TRPM6: variants seen among roughly 807,000 people sequenced by gnomAD.
The protein encoded by TRPM6 is transient receptor potential cation channel subfamily M member 6, also known as channel kinase 2.
In TRPM6, 111 loss-of-function variants were observed where a neutral mutation model predicts 247.6. That is an observed-to-expected ratio of 0.45 (90% CI 0.38 to 0.52). The LOEUF (loss-of-function observed/expected upper bound fraction) is 0.52, where lower values mean the gene tolerates loss of function less well. Ranked by LOEUF, TRPM6 falls within the 20% of genes least tolerant of loss-of-function variation. The probability of loss-of-function intolerance (pLI) is 0.00; values close to 1 mark genes in which losing one functional copy is unlikely to be tolerated. For missense variants in TRPM6, 2,126 were observed against 2,421.5 expected (o/e 0.88, Z 2.56); for synonymous variants, 892 against 853.8 (o/e 1.04, Z -0.78).
chr9:74,881,232 G>A (rs980643032), intron 1 of TRPM6, among the ~76,000 whole-genome samples: 16 of 151,612 alleles, frequency 1.1e-4, no homozygotes, highest in African/African-American at 3.2e-4. Flanking sequence ...GTAAAGGAAT[G>A]GAAAAAGATA....
chr9:74,745,161 G>C (rs1440851120), intron 31 of TRPM6, among the ~76,000 whole-genome samples: 2 of 152,186 alleles, frequency 1.3e-5, no homozygotes, highest in Non-Finnish European at 2.9e-5. Flanking sequence ...GAGGTTTATG[G>C]AACACATTAA....
chr9:74,884,356 G>T (rs1398313656), intron 1 of TRPM6, among the ~76,000 whole-genome samples: 1 of 151,976 alleles, frequency 6.6e-6, no homozygotes, highest in African/African-American at 2.4e-5. Context: ...GGGCGTGGTG[G>T]CGGGTGCCTG....
intron 1 of TRPM6, among the ~76,000 whole-genome samples, chr9:74,882,480 A>C (rs1831392724): frequency 6.6e-6 from 1 of 152,384 alleles, no homozygotes; most frequent in East Asian, 1.9e-4. Context: ...AAACGAATAC[A>C]TACAAACAGC....
chr9:74,799,023 T>G (rs757290781), intron 17 of TRPM6, among the ~76,000 whole-genome samples: 3 of 152,212 alleles, frequency 2.0e-5, no homozygotes, highest in Non-Finnish European at 4.4e-5. Context: ...ATTGAACTTA[T>G]GTAGCTAGAG....
intron 25 of TRPM6, among the ~76,000 whole-genome samples, chr9:74,769,480 C>CT (rs1203299284): frequency 6.6e-6 from 1 of 152,064 alleles, no homozygotes; most frequent in African/African-American, 2.4e-5. Flanking sequence ...AGAAAACAGC[C>CT]TGGCATGGTG....
intron 5 of TRPM6, among the ~76,000 whole-genome samples, chr9:74,837,332 T>A (rs914661331): frequency 6.6e-6 from 1 of 152,218 alleles, no homozygotes; most frequent in Non-Finnish European, 1.5e-5. Context: ...ATAGGCACTT[T>A]CAGCAAGCTC....
chr9:74,848,011 G>A (rs1040059985), intron 3 of TRPM6, among the ~76,000 whole-genome samples: 10 of 152,108 alleles, frequency 6.6e-5, no homozygotes, highest in African/African-American at 2.4e-4. Flanking sequence ...TGCAACGACT[G>A]TTTCATTTTA....
At chr9:74,813,159 A>G (rs544526397) in intron 11 of TRPM6, among the ~76,000 whole-genome samples, 2 of 152,336 alleles carry the variant, frequency 1.3e-5, no homozygotes, top group South Asian at 4.1e-4. Context: ...CAAGTTGAAC[A>G]TGCTCATCTA....
At chr9:74,813,644 C>T (rs1180675129) in intron 11 of TRPM6, among the ~76,000 whole-genome samples, 2 of 152,306 alleles carry the variant, frequency 1.3e-5, no homozygotes, top group Non-Finnish European at 1.5e-5. Flanking sequence ...CCTCCAACTA[C>T]AGGCTCGGAA....
chr9:74,755,210 TATTTTCCTTACAGAGTGTAGCC>T, intron 28 of TRPM6, 121 bp downstream of exon 28: 1 of 931,048 alleles, frequency 1.1e-6, no homozygotes, highest in Non-Finnish European at 1.7e-6. Flanking sequence ...AGAAAAATGC[TATTTTCCTTACAGAGTGTAGCC>T]ATCTTCTCTT....
Position 74,771,823 on chromosome 9 carries a change from C to A in TRPM6, c.3416G>T (p.Ser1139Ile). Residue 1139 changes from serine to isoleucine, a missense_variant, in exon 25 of 39, where the codon AGT (serine) becomes ATT (isoleucine). Ser to Ile is a moderately radical substitution (Grantham distance 142, BLOSUM62 -2). Transcript: ENST00000360774. Reference protein sequence around the residue: ...EGDVGLKLYLSKEDLKKLHDF... With the variant: ...EGDVGLKLYLIKEDLKKLHDF... ...ATGAAGTTTTTTCAGATCCTCCTTA[C>A]TGAGGTAGAGTTCTATAGAAATAAG... The A allele has an allele frequency of 6.2e-7, 1 of 1,613,762 alleles. No individual in the cohort carries two copies. Among genetic ancestry groups the A allele is most frequent in the Non-Finnish European group, 8.5e-7 (1 of 1,179,782 alleles).
intron 30 of TRPM6, among the ~76,000 whole-genome samples, chr9:74,749,211 T>A (rs191138144): frequency 4.6e-4 from 70 of 152,290 alleles, no homozygotes; most frequent in African/African-American, 1.6e-3. Flanking sequence ...TTTCTCAGAA[T>A]GTATCCTGTC....
rs772641896 is a variant in TRPM6, at chr9:74,762,793, G to T, written c.3878C>A (p.Pro1293Gln). The T allele has an allele frequency of 1.2e-6, 2 of 1,614,124 alleles. No individual in the cohort carries two copies. Among genetic ancestry groups the T allele is most frequent in the East Asian group, 2.2e-5 (1 of 44,884 alleles). ...LRSLAGGRHPPRVQRGALLEI... is the reference protein window; with the variant it reads ...LRSLAGGRHPQRVQRGALLEI... ...AAGAAGTGCCCCCCTCTGCACTCTT[G>T]GGGGATGCCGGCCTCCAGCCAGGCT... Residue 1293 changes from proline (P) to glutamine (Q), a missense_variant, in exon 26 of 39, where the codon CCA becomes CAA. This residue lies in a region of TRPM6 where 717 missense variants were observed against 715.9 expected (regional missense o/e 1.00). Transcript: ENST00000360774.
chr9:74,731,582 G>C (rs1825522563), intron 37 of TRPM6, among the ~76,000 whole-genome samples: 1 of 151,510 alleles, frequency 6.6e-6, no homozygotes, highest in Admixed American at 6.6e-5. Context: ...TACATGTTTA[G>C]ATTAAATCAC....
intron 34 of TRPM6, 74 bp from the exon 35 acceptor site, chr9:74,739,523 T>C (rs1825794669): frequency 1.3e-6 from 2 of 1,537,308 alleles, no homozygotes; most frequent in Admixed American, 1.7e-5. Context: ...TACTATAGGC[T>C]ACCCCAATGT....
chr9:74,887,126 C>T, intron 1 of TRPM6: 1 of 654,684 alleles, frequency 1.5e-6, no homozygotes, highest in Non-Finnish European at 2.2e-6. Flanking sequence ...TCCTGTTGCG[C>T]CATATGCCAG....
At chr9:74,789,276 T>C (rs1432883759) in intron 19 of TRPM6, among the ~76,000 whole-genome samples, 1 of 152,110 alleles carries the variant, frequency 6.6e-6, no homozygotes, top group Non-Finnish European at 1.5e-5. Flanking sequence ...TTAAGGACCG[T>C]TTGTCAATAT....
chr9:74,770,955 T>C (rs1380787694), intron 25 of TRPM6, among the ~76,000 whole-genome samples: 1 of 152,170 alleles, frequency 6.6e-6, no homozygotes, highest in Non-Finnish European at 1.5e-5. Context: ...CTATTCTGTC[T>C]TCACCCACTT....
In TRPM6 at chr9:74,846,550, C is replaced by CT. The variant is rs944512822; in HGVS notation, c.153-4208dup. On this transcript the variant is annotated intron_variant, in intron 3 of 38. Transcript: ENST00000360774. ...TTATCGATATTTTAGAATTTTTTTT[C>CT]TTTTTTTTGTGAAACAGAGTCTCTC... Among the ~76,000 whole-genome samples the CT allele has an allele frequency of 4.6e-5, 7 of 151,346 alleles. No individual in the cohort carries two copies. The South Asian group carries it at 6.3e-4, about 14-fold the overall frequency.
Sources: allele counts gnomAD v4.1 joint callset (sites outside exome capture counted in the v4.1 genomes callset), GRCh38; gene constraint gnomAD v4.1.1; regional missense constraint gnomAD v4.1.1; transcripts MANE v1.5; gene names NCBI Gene and HGNC (gene_info 2026-07-23, HGNC 2026-07-21).